Variants in GJB3 observed in about 807,000 individuals in gnomAD.
GJB3 encodes the protein gap junction beta-3 protein.
Under a neutral mutation model 8.1 loss-of-function variants are expected in GJB3, and 6 were observed. That is an observed-to-expected ratio of 0.75 (90% CI 0.41 to 1.47). The LOEUF (loss-of-function observed/expected upper bound fraction) is 1.47. GJB3 is among the 40% of genes most tolerant of loss of function. GJB3 has a pLI of 0.02. For synonymous variants in GJB3, 137 were observed against 156.4 expected (o/e 0.88, Z 0.93); for missense variants, 348 against 365.6 (o/e 0.95, Z 0.39).
Position 34,785,232 on chromosome 1 carries a change from A to G in GJB3, c.470A>G (p.Asn157Ser). Reference sequence around the variant, plus strand: ...CTGCACACTCTCTGGCATGGCTTCAATATGCCGCGCCTGGTGCAGTGTGCC... The same window carrying G: ...CTGCACACTCTCTGGCATGGCTTCAGTATGCCGCGCCTGGTGCAGTGTGCC... ...YLLHTLWHGF[N>S]MPRLVQCANV... The change falls in exon 2 of 2, where the codon AAT becomes AGT. Residue 157 changes from asparagine (N) to serine (S), a missense_variant. Asn to Ser is a conservative substitution (Grantham distance 46, BLOSUM62 1). Coordinates refer to ENST00000373366, the MANE Select transcript of GJB3 (RefSeq NM_024009.3). The surrounding 1 kb of genome is among the most constrained non-coding windows in gnomAD (Gnocchi z 4.7). 6.2e-7 allele frequency: 1 copy of G among 1,613,974 alleles called. No individual in the cohort carries two copies. Among genetic ancestry groups the G allele is most frequent in the South Asian group, 1.1e-5 (1 of 91,070 alleles).
chr1:34,784,203 G>T (rs1328596639), intron 1 of GJB3, among the ~76,000 whole-genome samples: 1 of 138,296 alleles, frequency 7.2e-6, no homozygotes, highest in East Asian at 2.0e-4. Flanking sequence ...AAGAGGAGGT[G>T]GTGGAGAGCA....
Position 34,785,471 on chromosome 1 carries a change from T to A in GJB3, c.709T>A (p.Ser237Thr). 6.2e-7 allele frequency: 1 copy of A among 1,613,750 alleles called. No homozygotes were observed. Among genetic ancestry groups the A allele is most frequent in the Non-Finnish European group, 8.5e-7 (1 of 1,179,886 alleles). The change falls in exon 2 of 2, where the codon TCC becomes ACC. Residue 237 changes from serine (S) to threonine (T), a missense_variant. By Grantham distance (58) the Ser-to-Thr change is moderately conservative (BLOSUM62 1). Coordinates refer to ENST00000373366, the MANE Select transcript of GJB3 (RefSeq NM_024009.3). This position sits in a 1 kb window ranked among gnomAD's most constrained non-coding sequence, Gnocchi z 4.7. The part of the protein sequence containing the change: ...CSPSSSASRA[S>T]TCRCHHKLVE... ...CCCCTCGTCCTCCGCCAGCCGAGCTTCCACCTGCCGCTGCCACCACAAGCT... is the reference window on the plus strand; with the variant it reads ...CCCCTCGTCCTCCGCCAGCCGAGCTACCACCTGCCGCTGCCACCACAAGCT...
At chr1:34,783,556 G>T (rs1278945878) in intron 1 of GJB3, among the ~76,000 whole-genome samples, 1 of 152,210 alleles carries the variant, frequency 6.6e-6, no homozygotes, top group African/African-American at 2.4e-5. Context: ...GGACTCTAGG[G>T]GCACAGGGGG....
intron 1 of GJB3, among the ~76,000 whole-genome samples, chr1:34,783,059 T>A (rs931127276): frequency 2.0e-4 from 31 of 152,018 alleles, no homozygotes; most frequent in Non-Finnish European, 4.1e-4. Flanking sequence ...TTTCAGATAG[T>A]GACTAAGTGC....
In GJB3 at chr1:34,781,532, A is replaced by C. The variant is rs2148352709; in HGVS notation, c.-272A>C. 1 of 152,456 alleles carries C rather than the reference A, an allele frequency of 6.6e-6. No individual in the cohort carries two copies. The highest frequency in any genetic ancestry group is 6.5e-5 in the Admixed American group (1 of 15,306). The allele number at this position is 152,456 out of a possible 1,614,324, so 9.4% of individuals were successfully genotyped here. A position where few individuals can be genotyped will look rare whatever the true frequency, so the allele number is the denominator to read the frequency against. Reference sequence around the variant, plus strand: ...CGGACAGCCCAGCCCATGGCCACCGATGCCCCCATTTCACGCCTGAGGAAG... The same window carrying C: ...CGGACAGCCCAGCCCATGGCCACCGCTGCCCCCATTTCACGCCTGAGGAAG... On this transcript the variant is annotated 5_prime_UTR_variant, in exon 1 of 2. An upstream start codon of the reference 5' UTR is lost. Coordinates refer to ENST00000373366, the MANE Select transcript of GJB3 (RefSeq NM_024009.3). This position sits in a 1 kb window ranked among gnomAD's most constrained non-coding sequence, Gnocchi z 6.2.
chr1:34,783,194 G>A, intron 1 of GJB3, among the ~76,000 whole-genome samples: 1 of 152,010 alleles, frequency 6.6e-6, no homozygotes, highest in East Asian at 1.9e-4. Flanking sequence ...GTTGCAGTGA[G>A]CCAAGGTCGC....
Position 34,785,894 on chromosome 1 carries a change from G to A in GJB3, c.*319G>A. On this transcript the variant is annotated 3_prime_UTR_variant, in exon 2 of 2. Transcript: ENST00000373366. This position sits in a 1 kb window ranked among gnomAD's most constrained non-coding sequence, Gnocchi z 4.7. ...GGAAGGGATCAACCCAGGAAGGGAT[G>A]ATCAGGAGAGGCTTCCCTGAGGACA... 1 of 419,534 alleles carries A rather than the reference G, an allele frequency of 2.4e-6. No homozygotes were observed. The highest frequency in any genetic ancestry group is 4.6e-6 in the Non-Finnish European group (1 of 219,188). The allele number at this position is 419,534 out of a possible 1,614,324, so 26.0% of individuals were successfully genotyped here. A position where few individuals can be genotyped will look rare whatever the true frequency, so the allele number is the denominator to read the frequency against.
At position 34,785,992 on chromosome 1, in the gene GJB3, A is replaced by C; in HGVS notation, c.*417A>C. On this transcript the variant is annotated 3_prime_UTR_variant, in exon 2 of 2. Coordinates refer to ENST00000373366, the MANE Select transcript of GJB3 (RefSeq NM_024009.3). This position sits in a 1 kb window ranked among gnomAD's most constrained non-coding sequence, Gnocchi z 4.7. ...GCACAGAGGTCTGGAGGCCACACAAAAAGTGATGCTCGCCCTGGGCTAGCC... is the reference window on the plus strand; with the variant it reads ...GCACAGAGGTCTGGAGGCCACACAACAAGTGATGCTCGCCCTGGGCTAGCC... 1 of 217,868 alleles carries C rather than the reference A, an allele frequency of 4.6e-6. No homozygotes were observed. Among genetic ancestry groups the C allele is most frequent in the Non-Finnish European group, 1.0e-5 (1 of 98,638 alleles). 13.5% of individuals were successfully genotyped at this position (217,868 alleles called of 1,614,324 possible). A position where few individuals can be genotyped will look rare whatever the true frequency, so the allele number is the denominator to read the frequency against.
At chr1:34,783,024 C>CAA (rs111369477) in intron 1 of GJB3, among the ~76,000 whole-genome samples, 2 of 149,794 alleles carry the variant, frequency 1.3e-5, no homozygotes, top group African/African-American at 4.9e-5. Flanking sequence ...TTAATAAGAC[C>CAA]AAAAAAAAAG....
chr1:34,784,166 C>T (rs1640060265), intron 1 of GJB3, among the ~76,000 whole-genome samples: 2 of 151,826 alleles, frequency 1.3e-5, no homozygotes, highest in Non-Finnish European at 2.9e-5. Flanking sequence ...AGAATCTGGT[C>T]TAGGGCAGGA....
rs527683895 is a variant in GJB3, at chr1:34,784,857, G to T, written c.95G>T (p.Arg32Leu). 23 of 1,614,040 alleles carry T rather than the reference G, an allele frequency of 1.4e-5. No homozygotes were observed. In the South Asian group the frequency reaches 2.5e-4, roughly 18 times the overall value. ...TGGCTGTCCGTGGTGTTCGTCTTCCGGGTGCTGGTATACGTGGTGGCTGCA... is the reference window on the plus strand; with the variant it reads ...TGGCTGTCCGTGGTGTTCGTCTTCCTGGTGCTGGTATACGTGGTGGCTGCA... ...RIWLSVVFVF[R>L]VLVYVVAAER... Residue 32 changes from arginine to leucine, a missense_variant, in exon 2 of 2, where the codon CGG becomes CTG. Transcript: ENST00000373366.
In GJB3 at chr1:34,784,771, G is replaced by T. The variant is rs767319130; in HGVS notation, c.9G>T (p.Trp3Cys). The change falls in exon 2 of 2, where the codon TGG (tryptophan) becomes TGT (cysteine). Residue 3 changes from tryptophan (W) to cysteine (C), a missense_variant. Coordinates refer to ENST00000373366, the MANE Select transcript of GJB3 (RefSeq NM_024009.3). MD[W>C]KTLQALLSGV... is the part of the protein sequence containing the mutation. The stretch of plus-strand genomic sequence containing the variant: ...GGCCCCCACCAGGCGCCATGGACTG[G>T]AAGACACTCCAGGCCCTACTGAGCG... The T allele has an allele frequency of 6.2e-7, 1 of 1,614,062 alleles. No individual in the cohort carries two copies. The highest frequency in any genetic ancestry group is 1.1e-5 in the South Asian group (1 of 91,056).
At position 34,785,405 on chromosome 1, in the gene GJB3, C is replaced by G. The variant is rs994339316; in HGVS notation, c.643C>G (p.Leu215Val). Residue 215 changes from leucine to valine, a missense_variant, in exon 2 of 2, where the codon CTG becomes GTG. Leu to Val is a conservative substitution (Grantham distance 32). Coordinates refer to ENST00000373366, the MANE Select transcript of GJB3 (RefSeq NM_024009.3). The surrounding 1 kb of genome is among the most constrained non-coding windows in gnomAD (Gnocchi z 4.7). ...CTGCTACCTCATCTGCCACAGGGTC[C>G]TGCGAGGCCTGCACAAGGACAAGCC... Reference protein sequence around the residue: ...ELCYLICHRVLRGLHKDKPRG... With the variant: ...ELCYLICHRVVRGLHKDKPRG... 68 of 1,614,052 alleles carry G rather than the reference C, an allele frequency of 4.2e-5. No individual in the cohort carries two copies. The highest frequency in any genetic ancestry group is 5.7e-5 in the Non-Finnish European group (67 of 1,180,042).
At chr1:34,784,678 T>C (rs1348409964) in intron 1 of GJB3, 60 bp from the exon 2 acceptor site, 1 of 1,093,098 alleles carries the variant, frequency 9.1e-7, no homozygotes, top group African/African-American at 1.6e-5. Context: ...TGGTACATAG[T>C]AAATGCTCAA....
rs1256379780 is a variant in GJB3, at chr1:34,781,583, C to G, written c.-221C>G. ...CGGAGGCTCAGACGGGCCACCAGCC[C>G]CTCCGGAGGCTGGCCCGGGAGCGCC... On this transcript the variant is annotated 5_prime_UTR_variant, in exon 1 of 2. Transcript: ENST00000373366. This position sits in a 1 kb window ranked among gnomAD's most constrained non-coding sequence, Gnocchi z 6.2. 2 of 152,330 alleles carry G rather than the reference C, an allele frequency of 1.3e-5. No individual in the cohort carries two copies. Among genetic ancestry groups the G allele is most frequent in the Non-Finnish European group, 2.9e-5 (2 of 68,130 alleles). 9.4% of individuals were successfully genotyped at this position (152,330 alleles called of 1,614,324 possible).
chr1:34,781,792 G>C lies in GJB3; in HGVS notation c.-26+14G>C, dbSNP rs1640013696. Reference sequence around the variant, plus strand: ...AGGCCGCTGCAGGTAAGTGCTGGACGGGGCGGGGCGAGGCTGGGCGGGACC... The same window carrying C: ...AGGCCGCTGCAGGTAAGTGCTGGACCGGGCGGGGCGAGGCTGGGCGGGACC... On this transcript the variant is annotated intron_variant, in intron 1 of 1. Transcript: ENST00000373366. The surrounding 1 kb of genome is among the most constrained non-coding windows in gnomAD (Gnocchi z 6.2). 6.6e-6 allele frequency: 1 copy of C among 152,436 alleles called. No individual in the cohort carries two copies. The highest frequency in any genetic ancestry group is 1.5e-5 in the Non-Finnish European group (1 of 68,234). The allele number at this position is 152,436 out of a possible 1,614,324, so 9.4% of individuals were successfully genotyped here.
intron 1 of GJB3, among the ~76,000 whole-genome samples, chr1:34,783,694 CAT>C: frequency 6.6e-6 from 1 of 152,164 alleles, no homozygotes; most frequent in Non-Finnish European, 1.5e-5. Context: ...CTCACATGCA[CAT>C]AGGCCCACAC....
In GJB3 at chr1:34,781,225, T is replaced by A. The variant is rs946647165; in HGVS notation, c.-579T>A. On this transcript the variant is annotated 5_prime_UTR_variant, in exon 1 of 2. Transcript: ENST00000373366. The surrounding 1 kb of genome is among the most constrained non-coding windows in gnomAD (Gnocchi z 6.2). ...CTGGCACAGGACTCACTGTGCCCCT[T>A]CCCGCTGTGGGTACAAGGTCTGCCC... 3 of 149,566 alleles carry A rather than the reference T, an allele frequency of 2.0e-5. No individual in the cohort carries two copies. The highest frequency in any genetic ancestry group is 7.6e-5 in the African/African-American group (3 of 39,576). The allele number at this position is 149,566 out of a possible 1,614,324, so 9.3% of individuals were successfully genotyped here. A position where few individuals can be genotyped will look rare whatever the true frequency, so the allele number is the denominator to read the frequency against.
rs991069235 is a variant in GJB3, at chr1:34,781,949, C to T, written c.-26+171C>T. 3.9e-5 allele frequency among the ~76,000 whole-genome samples: 6 copies of T among 152,202 alleles called. No homozygotes were observed. Among genetic ancestry groups the T allele is most frequent in the Non-Finnish European group, 5.9e-5 (4 of 68,022 alleles). ...CCCCGTACCTCTCAATCCTCCCTCTCGCCTCTCAATTCTGGGCCCATTAGG... is the reference window on the plus strand; with the variant it reads ...CCCCGTACCTCTCAATCCTCCCTCTTGCCTCTCAATTCTGGGCCCATTAGG... On this transcript the variant is annotated intron_variant, in intron 1 of 1. Coordinates refer to ENST00000373366, the MANE Select transcript of GJB3 (RefSeq NM_024009.3). The surrounding 1 kb of genome is among the most constrained non-coding windows in gnomAD (Gnocchi z 6.2).
Sources: gnomAD v4.1 joint callset for allele counts (sites outside exome capture counted in the v4.1 genomes callset) on GRCh38, gnomAD v4.1.1 for gene constraint, Gnocchi (gnomAD v3.1) non-coding constraint, MANE v1.5 for transcripts, NCBI Gene and HGNC (gene_info 2026-07-23, HGNC 2026-07-21) for gene names.